The following MYO1E variants were observed in gnomAD, a reference collection of about 807,000 sequenced individuals.
MYO1E encodes the protein unconventional myosin-Ie.
MYO1E carries 68 observed loss-of-function variants against 151.1 expected under a neutral mutation model. The ratio of observed to expected loss-of-function variants is 0.45; its 90% confidence interval spans 0.37 to 0.55. The LOEUF is 0.55. Among genes scored for constraint, MYO1E ranks in the 20% least tolerant of loss-of-function variants. MYO1E has a pLI of 0.00. For synonymous variants in MYO1E, 601 were observed against 501.7 expected (o/e 1.20, Z -2.64); for missense variants, 1,363 against 1,389.3 (o/e 0.98, Z 0.30).
At chr15:59,299,462 A>G (rs1430796139) in intron 1 of MYO1E, among the ~76,000 whole-genome samples, 1 of 152,238 alleles carries the variant, frequency 6.6e-6, no homozygotes, top group Non-Finnish European at 1.5e-5. Flanking sequence ...CATTTCACCT[A>G]GTCAACAAAA....
At position 59,137,148 on chromosome 15, in the gene MYO1E, T is replaced by C. The variant is rs182413862; in HGVS notation, c.*232A>G. On this transcript the variant is annotated 3_prime_UTR_variant, in exon 28 of 28. Coordinates refer to ENST00000288235, the MANE Select transcript of MYO1E (RefSeq NM_004998.4). ...TAAATAAATCTTAATGCATGGTGGT[T>C]TTGTCCTCCTGGGTTCCTATGAAGA... 394 of 569,390 alleles carry C rather than the reference T, an allele frequency of 6.9e-4. 7 individuals are homozygous for C. In the East Asian group the frequency reaches 0.01, roughly 15 times the overall value. The allele number at this position is 569,390 out of a possible 1,614,324, so 35.3% of individuals were successfully genotyped here. A position where few individuals can be genotyped will look rare whatever the true frequency, so the allele number is the denominator to read the frequency against.
At chr15:59,314,913 G>T (rs571245748) in intron 1 of MYO1E, among the ~76,000 whole-genome samples, 13 of 152,254 alleles carry the variant, frequency 8.5e-5, no homozygotes, top group African/African-American at 3.1e-4. Flanking sequence ...CACAGGCGGG[G>T]TGGCAGGAGG....
chr15:59,323,525 G>A (rs2080641874), intron 1 of MYO1E, among the ~76,000 whole-genome samples: 1 of 151,732 alleles, frequency 6.6e-6, no homozygotes, highest in African/African-American at 2.4e-5. Context: ...GCACGGTGGT[G>A]GGCGCTTGCA....
chr15:59,291,726 A>G (rs2080420745), intron 1 of MYO1E, among the ~76,000 whole-genome samples: 1 of 145,858 alleles, frequency 6.9e-6, no homozygotes, highest in South Asian at 2.2e-4. Context: ...AGAGAGAGAG[A>G]GAAAACAAAG....
chr15:59,297,467 G>T (rs1335310647), intron 1 of MYO1E, among the ~76,000 whole-genome samples: 1 of 61,012 alleles, frequency 1.6e-5, no homozygotes, highest in Non-Finnish European at 5.8e-5. Context: ...TTTTTAGTAG[G>T]GATGGGGTTT....
intron 1 of MYO1E, among the ~76,000 whole-genome samples, chr15:59,277,598 C>A (rs1423999377): frequency 6.7e-6 from 1 of 149,980 alleles, no homozygotes; most frequent in Non-Finnish European, 1.5e-5. Context: ...CCTCTTTGAG[C>A]CAGCAACTGT....
rs761934602 is a variant in MYO1E, at chr15:59,290,724, G to A, written c.4-18275C>T. ...AAAGTAGGCAAGATAGACATCAATT[G>A]CCAAAACAGTCCCAGCTAGGGATCC... On this transcript the variant is annotated intron_variant, in intron 1 of 27. Transcript: ENST00000288235. Among the ~76,000 whole-genome samples the A allele has an allele frequency of 1.4e-4, 21 of 152,308 alleles. No individual in the cohort carries two copies. In the South Asian group the frequency reaches 2.1e-3, roughly 15 times the overall value.
In MYO1E at chr15:59,195,454, C is replaced by T. The variant is rs561678142; in HGVS notation, c.1805+7G>A. The T allele has an allele frequency of 4.3e-5, 70 of 1,610,070 alleles. No individual in the cohort carries two copies. In the African/African-American group the frequency reaches 8.0e-4, roughly 18 times the overall value. The stretch of plus-strand genomic sequence containing the variant: ...CCGGCCCCACCTAAGCCGGTTTCCC[C>T]CGATACCTGCTTTCCTCCCAGTCTC... On this transcript the variant is annotated splice_region_variant and intron_variant, in intron 17 of 27. Transcript: ENST00000288235.
At chr15:59,218,318 T>C in intron 9 of MYO1E, 1 of 651,682 alleles carries the variant, frequency 1.5e-6, no homozygotes, top group Non-Finnish European at 2.8e-6. Flanking sequence ...ATTCCTATGA[T>C]GACTGAGACT....
intron 18 of MYO1E, among the ~76,000 whole-genome samples, chr15:59,180,681 C>T (rs1468973223): frequency 1.3e-5 from 2 of 151,958 alleles, no homozygotes; most frequent in Non-Finnish European, 2.9e-5. Flanking sequence ...CCTGATACAT[C>T]CTCACCCCAT....
At chr15:59,349,365 TTCC>T (rs1214065109) in intron 1 of MYO1E, among the ~76,000 whole-genome samples, 1 of 152,190 alleles carries the variant, frequency 6.6e-6, no homozygotes, top group Non-Finnish European at 1.5e-5. Flanking sequence ...AAGGCTGTGA[TTCC>T]TCTAGCTCAG....
intron 2 of MYO1E, among the ~76,000 whole-genome samples, chr15:59,265,788 T>TA (rs2080249449): frequency 1.0e-5 from 1 of 96,300 alleles, no homozygotes; most frequent in Non-Finnish European, 2.0e-5. Context: ...AGACCCCATC[T>TA]CCTTAAAAAA....
intron 18 of MYO1E, among the ~76,000 whole-genome samples, chr15:59,187,660 C>T (rs2079706674): frequency 1.3e-5 from 2 of 152,136 alleles, no homozygotes; most frequent in African/African-American, 4.8e-5. Flanking sequence ...TTCATAATAG[C>T]CAAGAAGTGG....
chr15:59,363,077 G>A (rs1159800122), intron 1 of MYO1E, among the ~76,000 whole-genome samples: 1 of 148,320 alleles, frequency 6.7e-6, no homozygotes, highest in Non-Finnish European at 1.5e-5. Context: ...CCAGGCTCAC[G>A]CCATTCTCCC....
In MYO1E at chr15:59,217,794, C is replaced by G; in HGVS notation, c.1107+97G>C. 2.9e-6 allele frequency: 4 copies of G among 1,388,592 alleles called. No individual in the cohort carries two copies. The East Asian group carries it at 6.9e-5, about 24-fold the overall frequency. The allele number at this position is 1,388,592 out of a possible 1,614,324, so 86.0% of individuals were successfully genotyped here. A position where few individuals can be genotyped will look rare whatever the true frequency, so the allele number is the denominator to read the frequency against. On this transcript the variant is annotated intron_variant, in intron 10 of 27. Coordinates refer to ENST00000288235, the MANE Select transcript of MYO1E (RefSeq NM_004998.4). Reference sequence around the variant, plus strand: ...CCTCCCACCTTGGCCTCTCAAAGTACTGGGATTACAGGTGTGAGCCACCGC... The same window carrying G: ...CCTCCCACCTTGGCCTCTCAAAGTAGTGGGATTACAGGTGTGAGCCACCGC...
chr15:59,148,392 A>T (rs1331839084), intron 26 of MYO1E, among the ~76,000 whole-genome samples: 4 of 152,176 alleles, frequency 2.6e-5, no homozygotes, highest in African/African-American at 9.7e-5. Context: ...TGCCTAGTCT[A>T]TGTCGGGGGA....
chr15:59,212,893 T>G (rs1232357142), intron 12 of MYO1E: 3 of 152,240 alleles, frequency 2.0e-5, no homozygotes, highest in African/African-American at 7.2e-5. Context: ...CAAACTGCCA[T>G]AAGCCAAGAA....
intron 1 of MYO1E, among the ~76,000 whole-genome samples, chr15:59,331,863 T>C (rs1331448938): frequency 6.6e-6 from 1 of 152,240 alleles, no homozygotes; most frequent in Non-Finnish European, 1.5e-5. Context: ...TATAATTTCA[T>C]GGTTTGATTT....
chr15:59,309,004 T>C (rs567107434), intron 1 of MYO1E, among the ~76,000 whole-genome samples: 2 of 151,772 alleles, frequency 1.3e-5, no homozygotes, highest in Non-Finnish European at 2.9e-5. Context: ...TCCCAGCTAC[T>C]TGGGAGGCTG....
Sources: allele counts gnomAD v4.1 joint callset (sites outside exome capture counted in the v4.1 genomes callset), GRCh38; gene constraint gnomAD v4.1.1; transcripts MANE v1.5; gene names NCBI Gene and HGNC (gene_info 2026-07-23, HGNC 2026-07-21).